Variants in KPNA7 observed in about 807,000 individuals in gnomAD.
KPNA7 encodes karyopherin subunit alpha 7.
KPNA7 carries 54 observed loss-of-function variants against 53.7 expected under a neutral mutation model. The observed-to-expected ratio is 1.01, with a 90% CI of 0.81 to 1.26. The LOEUF (loss-of-function observed/expected upper bound fraction) is 1.26. Among genes scored for constraint, KPNA7 ranks in the 50% most tolerant of loss-of-function variants. The pLI is 0.00. For synonymous variants in KPNA7, 276 were observed against 259.3 expected (o/e 1.06, Z -0.62); for missense variants, 640 against 644.5 (o/e 0.99, Z 0.07).
the KPNA7 span, among the ~76,000 whole-genome samples, chr7:99,165,962 C>A: frequency 7.2e-5 from 11 of 151,858 alleles, no homozygotes; most frequent in Non-Finnish European, 1.3e-4. Flanking sequence ...CTGTTCTTGT[C>A]ATAGTGGGTT....
chr7:99,194,870 G>A (rs1419485583), intron 5 of KPNA7, among the ~76,000 whole-genome samples, 200 bp downstream of exon 5: 1 of 152,110 alleles, frequency 6.6e-6, no homozygotes, highest in Non-Finnish European at 1.5e-5. Context: ...CTCCCAACAT[G>A]CTGGGATTAC....
the KPNA7 span, among the ~76,000 whole-genome samples, chr7:99,160,262 G>A: frequency 3.5e-3 from 529 of 152,028 alleles, 3 homozygotes; most frequent in African/African-American, 0.012. Context: ...TCCTGACCTC[G>A]TGATCCGCCC....
At chr7:99,180,643 G>GTCTCTCTCTCCC (rs1279315444) in intron 9 of KPNA7, among the ~76,000 whole-genome samples, 1 of 108,808 alleles carries the variant, frequency 9.2e-6, no homozygotes, top group African/African-American at 3.5e-5. Flanking sequence ...CTCTCTCTCC[G>GTCTCTCTCTCCC]TCTCTGTCTC....
chr7:99,185,521 G>GT (rs1002509105), intron 7 of KPNA7, among the ~76,000 whole-genome samples: 4 of 151,824 alleles, frequency 2.6e-5, no homozygotes, highest in Admixed American at 6.6e-5. Flanking sequence ...TAATTTTTAA[G>GT]TTTTTTGTAG....
At chr7:99,161,222 A>ACTCTCTCTCTCT in the KPNA7 span, among the ~76,000 whole-genome samples, 13 of 147,844 alleles carry the variant, frequency 8.8e-5, 1 homozygote, top group African/African-American at 3.1e-4. Flanking sequence ...ATGTACACAA[A>ACTCTCTCTCTCT]CTCTCTCTCT....
chr7:99,174,104 C>A (rs530014543), intron 10 of KPNA7, among the ~76,000 whole-genome samples: 1 of 151,798 alleles, frequency 6.6e-6, no homozygotes, highest in African/African-American at 2.4e-5. Flanking sequence ...GAAGCTTCAT[C>A]TGTATTTACA....
chr7:99,212,445 G>A (rs768718211), upstream of KPNA7, among the ~76,000 whole-genome samples: 2 of 151,478 alleles, frequency 1.3e-5, no homozygotes, highest in Non-Finnish European at 2.9e-5. Context: ...GGTAGAGATG[G>A]GGTTTCATCA....
intron 1 of KPNA7, among the ~76,000 whole-genome samples, chr7:99,216,565 CCTCTTTT>C (rs1468204749): frequency 2.0e-5 from 3 of 150,420 alleles, no homozygotes; most frequent in African/African-American, 4.9e-5. Flanking sequence ...TTACCAACAC[CCTCTTTT>C]TTTTTGTGAG....
chr7:99,178,771 CAAAAAAAAAAAAA>C (rs756807848), intron 9 of KPNA7, among the ~76,000 whole-genome samples: 583 of 27,718 alleles, frequency 0.021, 17 homozygotes, highest in African/African-American at 0.069. Context: ...ATCTTTGTCT[CAAAAAAAAAAAAA>C]AAAAAAAAAA....
At chr7:99,193,929 C>G (rs1790094879) in intron 5 of KPNA7, among the ~76,000 whole-genome samples, 1 of 152,180 alleles carries the variant, frequency 6.6e-6, no homozygotes, top group Non-Finnish European at 1.5e-5. Flanking sequence ...CCTCCCACCT[C>G]TGCCTCCTAA....
chr7:99,165,391 CAG>C, the KPNA7 span, among the ~76,000 whole-genome samples: 4 of 151,942 alleles, frequency 2.6e-5, no homozygotes, highest in South Asian at 4.1e-4. Context: ...AAAGAGGGTA[CAG>C]AGTCTCCCAG....
intron 6 of KPNA7, among the ~76,000 whole-genome samples, chr7:99,191,618 CTT>C (rs1789957784): frequency 6.6e-6 from 1 of 152,034 alleles, no homozygotes; most frequent in South Asian, 2.1e-4. Flanking sequence ...CATGGCTAGT[CTT>C]TTATTGGTTC....
intron 7 of KPNA7, among the ~76,000 whole-genome samples, chr7:99,186,237 C>T (rs1283855503): frequency 6.6e-6 from 1 of 152,168 alleles, no homozygotes; most frequent in African/African-American, 2.4e-5. Flanking sequence ...ATCCCCAGGA[C>T]AGGTCTACGA....
At chr7:99,175,806 C>T (rs1290115175) in intron 10 of KPNA7, among the ~76,000 whole-genome samples, 1 of 151,966 alleles carries the variant, frequency 6.6e-6, no homozygotes, top group African/African-American at 2.4e-5. Context: ...ACCACTGCTC[C>T]CAGCCGAGAG....
At chr7:99,167,678 A>G in the KPNA7 span, among the ~76,000 whole-genome samples, 1 of 115,560 alleles carries the variant, frequency 8.7e-6, no homozygotes, top group Non-Finnish European at 1.6e-5. Context: ...ACAGGGTTTC[A>G]CCATGTTGGC....
At position 99,189,319 on chromosome 7, in the gene KPNA7, G is replaced by T. The variant is rs983769721; in HGVS notation, c.637-756C>A. Among the ~76,000 whole-genome samples, 5 of 152,164 alleles carry T rather than the reference G, an allele frequency of 3.3e-5. No homozygotes were observed. The South Asian group carries it at 1.0e-3, about 32-fold the overall frequency. ...AGTTTTAGTTTTAGTAGAGACAGGGGTCTTGCTATGTTGCCCAGTCTGGAC... is the reference window on the plus strand; with the variant it reads ...AGTTTTAGTTTTAGTAGAGACAGGGTTCTTGCTATGTTGCCCAGTCTGGAC... On this transcript the variant is annotated intron_variant, in intron 6 of 10. Transcript: ENST00000327442.
At chr7:99,172,146 A>G (rs551465453), downstream of KPNA7, among the ~76,000 whole-genome samples, 41 of 152,334 alleles carry the variant, frequency 2.7e-4, no homozygotes, top group African/African-American at 8.9e-4. Context: ...TTAGATATCT[A>G]CGATGCGAAG....
At chr7:99,205,104 T>C (rs1790731826) in intron 2 of KPNA7, among the ~76,000 whole-genome samples, 1 of 151,950 alleles carries the variant, frequency 6.6e-6, no homozygotes, top group Non-Finnish European at 1.5e-5. Context: ...ACAGCTTCAT[T>C]GTTGGAATAG....
chr7:99,151,519 T>C, the KPNA7 span, among the ~76,000 whole-genome samples: 1 of 151,728 alleles, frequency 6.6e-6, no homozygotes, highest in Middle Eastern at 3.4e-3. Flanking sequence ...GGTGCGATCA[T>C]AGCTCACTGC....
Sources: gnomAD v4.1 joint callset for allele counts (sites outside exome capture counted in the v4.1 genomes callset) on GRCh38, gnomAD v4.1.1 for gene constraint, MANE v1.5 for transcripts, NCBI Gene and HGNC (gene_info 2026-07-23, HGNC 2026-07-21) for gene names.